Variants in MAVS observed in about 807,000 individuals in gnomAD.
The protein encoded by MAVS is mitochondrial antiviral-signaling protein.
Under a neutral mutation model 30.2 loss-of-function variants are expected in MAVS, and 20 were observed. The observed-to-expected ratio is 0.66, with a 90% CI of 0.47 to 0.96. The LOEUF is 0.96. Among genes scored for constraint, MAVS ranks in the 40% least tolerant of loss-of-function variants. MAVS has a pLI of 0.00. For synonymous variants in MAVS, 278 were observed against 293.9 expected (o/e 0.95, Z 0.55); for missense variants, 624 against 701.1 (o/e 0.89, Z 1.24).
rs1312707353 is a variant in MAVS at position 3,862,075 on chromosome 20, C to T, written c.466-179C>T. 3.9e-5 allele frequency among the ~76,000 whole-genome samples: 6 copies of T among 152,216 alleles called. No homozygotes were observed. The East Asian group carries it at 7.8e-4, about 20-fold the overall frequency. ...TGCTGTGTGTTTTCTGTGAGGTAGA[C>T]GTAAGGACACCTGTGGACAGAGGGT... On this transcript the variant is annotated intron_variant, in intron 4 of 6. Transcript: ENST00000428216.
rs998149709 is a variant in MAVS at position 3,868,166 on chromosome 20, C to G, written c.*2019C>G. The G allele has an allele frequency of 1.3e-5, 2 of 152,404 alleles. No homozygotes were observed. The highest frequency in any genetic ancestry group is 2.9e-5 in the Non-Finnish European group (2 of 68,098). The allele number at this position is 152,404 out of a possible 1,614,324, so 9.4% of individuals were successfully genotyped here. On this transcript the variant is annotated 3_prime_UTR_variant, in exon 7 of 7. Coordinates refer to ENST00000428216, the MANE Select transcript of MAVS (RefSeq NM_020746.5). ...ACCCTGGAACCAGGAGTGGACCCTA[C>G]CCGAGCTGTCTGTATTAATCCCCAT...
chr20:3,863,740 G>A (rs2089883877), intron 5 of MAVS, among the ~76,000 whole-genome samples: 1 of 152,090 alleles, frequency 6.6e-6, no homozygotes, highest in Non-Finnish European at 1.5e-5. Context: ...CCCAGGGGTG[G>A]CTTTGTCCTT....
At chr20:3,847,877 CT>C (rs1311100859) in intron 1 of MAVS, among the ~76,000 whole-genome samples, 2 of 152,200 alleles carry the variant, frequency 1.3e-5, no homozygotes, top group African/African-American at 4.8e-5. Flanking sequence ...CTTGGCAACA[CT>C]TTCCCTGTCA....
Position 3,865,391 on chromosome 20 carries a change from G to T in MAVS, c.1159-292G>T, listed in dbSNP as rs117826362. Among the ~76,000 whole-genome samples, 1 of 152,308 alleles carries T rather than the reference G, an allele frequency of 6.6e-6. No individual in the cohort carries two copies. The highest frequency in any genetic ancestry group is 1.9e-4 in the East Asian group (1 of 5,176). ...GCTCTCTAGTTCTCAGGCCCAGGCA[G>T]GATGTCAGTGCAGGATGGAGCCCCG... On this transcript the variant is annotated intron_variant, in intron 6 of 6. Coordinates refer to ENST00000428216, the MANE Select transcript of MAVS (RefSeq NM_020746.5). The surrounding 1 kb of genome is among the most constrained non-coding windows in gnomAD (Gnocchi z 4.7).
chr20:3,874,570 T>G lies in MAVS; in HGVS notation c.*8423T>G, dbSNP rs1402119648. On this transcript the variant is annotated 3_prime_UTR_variant, in exon 7 of 7. Transcript: ENST00000428216. ...TGGCATGGGGACAGAGCGGACTAAC[T>G]GGAGGGGCATCTTTGGTTGGTTGGG... is the stretch of plus-strand genomic sequence containing the variant. 1.0e-5 allele frequency: 2 copies of G among 197,486 alleles called. No homozygotes were observed. The highest frequency in any genetic ancestry group is 1.1e-4 in the East Asian group (1 of 8,798). 12.2% of individuals were successfully genotyped at this position (197,486 alleles called of 1,614,324 possible).
Position 3,861,446 on chromosome 20 carries a change from A to G in MAVS, c.407A>G (p.Lys136Arg). The G allele has an allele frequency of 6.2e-7, 1 of 1,614,088 alleles. No homozygotes were observed. The highest frequency in any genetic ancestry group is 1.1e-5 in the South Asian group (1 of 91,068). The change falls in exon 4 of 7, where the codon AAG (lysine) becomes AGG (arginine). Residue 136 changes from lysine (K) to arginine (R), a missense_variant. By Grantham distance (26) the Lys-to-Arg change is conservative. Coordinates refer to ENST00000428216, the MANE Select transcript of MAVS (RefSeq NM_020746.5). ...ATCCCCTACAACAGCTGCAGAGAGAAGGAGCCAAGTTACCCCATGCCTGTC... is the reference window on the plus strand; with the variant it reads ...ATCCCCTACAACAGCTGCAGAGAGAGGGAGCCAAGTTACCCCATGCCTGTC... ...HSIPYNSCRE[K>R]EPSYPMPVQE...
At position 3,872,269 on chromosome 20, in the gene MAVS, C is replaced by T. The variant is rs2089961320; in HGVS notation, c.*6122C>T. On this transcript the variant is annotated 3_prime_UTR_variant, in exon 7 of 7. Transcript: ENST00000428216. ...AGTGTAGGTAACAGCTAGACCCTAT[C>T]TCTACAAAAAATTTAAAAATTAGCT... is the stretch of plus-strand genomic sequence containing the variant. 6.6e-6 allele frequency: 1 copy of T among 152,264 alleles called. No homozygotes were observed. The highest frequency in any genetic ancestry group is 2.1e-4 in the South Asian group (1 of 4,826). 9.4% of individuals were successfully genotyped at this position (152,264 alleles called of 1,614,324 possible). A position where few individuals can be genotyped will look rare whatever the true frequency, so the allele number is the denominator to read the frequency against.
chr20:3,848,952 T>C (rs893452349), intron 1 of MAVS, among the ~76,000 whole-genome samples: 1 of 152,154 alleles, frequency 6.6e-6, no homozygotes, highest in African/African-American at 2.4e-5. Context: ...ATCCTGACCA[T>C]AGTCATCCTG....
At chr20:3,862,189 A>C (rs1443741151) in intron 4 of MAVS, 65 bp from the exon 5 acceptor site, 7 of 1,564,738 alleles carry the variant, frequency 4.5e-6, no homozygotes, top group Middle Eastern at 1.7e-4. Flanking sequence ...CCCCAAGAGC[A>C]CAAGCTGCCC....
rs113226800 is a variant in MAVS, at chr20:3,853,485, CA to C, written c.-67-1059del. On this transcript the variant is annotated intron_variant, in intron 1 of 6. Transcript: ENST00000428216. Reference sequence around the variant, plus strand: ...TGGGCGACAGAGAAAGACTCCGTCTCAAAAAAAAAAAAAAGAAATTAAAGGT... The same window carrying C: ...TGGGCGACAGAGAAAGACTCCGTCTCAAAAAAAAAAAAAGAAATTAAAGGT... Among the ~76,000 whole-genome samples, 392 of 127,888 alleles carry C rather than the reference CA, an allele frequency of 3.1e-3. 1 individual carries two copies. Among genetic ancestry groups the C allele is most frequent in the East Asian group, 0.021 (94 of 4,516 alleles). 83.9% of individuals were successfully genotyped at this position (127,888 alleles called of 152,430 possible). A position where few individuals can be genotyped will look rare whatever the true frequency, so the allele number is the denominator to read the frequency against.
chr20:3,860,683 T>C (rs1029930478), intron 3 of MAVS, among the ~76,000 whole-genome samples: 7 of 151,086 alleles, frequency 4.6e-5, no homozygotes, highest in African/African-American at 1.7e-4. Context: ...CTTCTTTTTC[T>C]TTTTTTCCCC....
rs1379097341 is a variant in MAVS at position 3,865,608 on chromosome 20, G to C, written c.1159-75G>C. Reference sequence around the variant, plus strand: ...GGAGTGTTAGTTCATGCCCTGGCCTGGGAATGGGACCGCCCTACCAGGTTC... The same window carrying C: ...GGAGTGTTAGTTCATGCCCTGGCCTCGGAATGGGACCGCCCTACCAGGTTC... On this transcript the variant is annotated intron_variant, in intron 6 of 6. Coordinates refer to ENST00000428216, the MANE Select transcript of MAVS (RefSeq NM_020746.5). The surrounding 1 kb of genome is among the most constrained non-coding windows in gnomAD (Gnocchi z 4.7). 2 of 1,367,518 alleles carry C rather than the reference G, an allele frequency of 1.5e-6. No individual in the cohort carries two copies. The highest frequency in any genetic ancestry group is 9.9e-7 in the Non-Finnish European group (1 of 1,013,536). The allele number at this position is 1,367,518 out of a possible 1,614,324, so 84.7% of individuals were successfully genotyped here.
rs2089912671 is a variant in MAVS, at chr20:3,866,852, G to A, written c.*705G>A. 2.2e-6 allele frequency: 1 copy of A among 457,350 alleles called. No individual in the cohort carries two copies. The highest frequency in any genetic ancestry group is 4.4e-6 in the Non-Finnish European group (1 of 226,878). The allele number at this position is 457,350 out of a possible 1,614,324, so 28.3% of individuals were successfully genotyped here. On this transcript the variant is annotated 3_prime_UTR_variant, in exon 7 of 7. Coordinates refer to ENST00000428216, the MANE Select transcript of MAVS (RefSeq NM_020746.5). ...TCCCCTCTGGTCTCCATTCTCTTCA[G>A]CTCCCTACATGGGCTGGGGAGGAGA...
At chr20:3,859,367 G>A (rs983408415) in intron 3 of MAVS, among the ~76,000 whole-genome samples, 2 of 152,088 alleles carry the variant, frequency 1.3e-5, no homozygotes, top group East Asian at 1.9e-4. Flanking sequence ...AATTAGCTGC[G>A]CATGGTGGTG....
At chr20:3,859,632 G>C (rs1311708197) in intron 3 of MAVS, among the ~76,000 whole-genome samples, 3 of 152,034 alleles carry the variant, frequency 2.0e-5, no homozygotes, top group Non-Finnish European at 4.4e-5. Flanking sequence ...AGTGAGCAAT[G>C]ATAGTCATGT....
Position 3,864,403 on chromosome 20 carries a change from C to T in MAVS, c.773C>T (p.Ser258Phe), listed in dbSNP as rs749064057. Residue 258 changes from serine (S) to phenylalanine (F), a missense_variant, in exon 6 of 7, where the codon TCC becomes TTC. Physicochemically the swap from Ser to Phe is radical, Grantham distance 155 (BLOSUM62 -2). Transcript: ENST00000428216. ...ACTGGCACCTCCTTCTCCTCCTCAT[C>T]CCCTGGCTTGGCCTCTGCAGGGGCT... ...VSTGTSFSSSSPGLASAGAAE... is the reference protein window; with the variant it reads ...VSTGTSFSSSFPGLASAGAAE... The T allele has an allele frequency of 4.5e-5, 72 of 1,613,954 alleles. No homozygotes were observed. Among genetic ancestry groups the T allele is most frequent in the South Asian group, 4.4e-5 (4 of 91,086 alleles).
intron 5 of MAVS, 89 bp downstream of exon 5, chr20:3,862,502 G>A (rs2089874640): frequency 3.6e-6 from 5 of 1,390,298 alleles, no homozygotes; most frequent in Middle Eastern, 1.9e-4. Flanking sequence ...TCCTTGAACA[G>A]GAGACAAGGT....
rs1305461092 is a variant in MAVS at position 3,864,381 on chromosome 20, G to A, written c.751G>A (p.Gly251Ser). 2 of 1,614,078 alleles carry A rather than the reference G, an allele frequency of 1.2e-6. No individual in the cohort carries two copies. The highest frequency in any genetic ancestry group is 1.1e-5 in the South Asian group (1 of 91,076). The change falls in exon 6 of 7, where the codon GGC (glycine) becomes AGC (serine). Residue 251 changes from glycine to serine, a missense_variant. Gly to Ser is a moderately conservative substitution (Grantham distance 56). Transcript: ENST00000428216. ...PGPTGSVVST[G>S]TSFSSSSPGL... is the part of the protein sequence containing the mutation. ...ACCCACAGGGTCAGTTGTATCTACT[G>A]GCACCTCCTTCTCCTCCTCATCCCC...
chr20:3,862,513 G>A (rs1299927818), intron 5 of MAVS, 100 bp downstream of exon 5: 2 of 1,280,080 alleles, frequency 1.6e-6, no homozygotes, highest in African/African-American at 1.5e-5. Flanking sequence ...GAGACAAGGT[G>A]GGAATAAAGG....
Sources: gnomAD v4.1 joint callset for allele counts (sites outside exome capture counted in the v4.1 genomes callset) on GRCh38, gnomAD v4.1.1 for gene constraint, Gnocchi (gnomAD v3.1) non-coding constraint, MANE v1.5 for transcripts, NCBI Gene and HGNC (gene_info 2026-07-23, HGNC 2026-07-21) for gene names.